GNAI3: variants seen among roughly 807,000 people sequenced by gnomAD.
GNAI3 encodes G protein subunit alpha i3.
Under a neutral mutation model 41.8 loss-of-function variants are expected in GNAI3, and 12 were observed. The ratio of observed to expected loss-of-function variants is 0.29; its 90% CI spans 0.18 to 0.47. The LOEUF is 0.47. GNAI3 is among the 20% of genes least tolerant of loss of function. The pLI, the probability that GNAI3 is intolerant of heterozygous loss-of-function variation, is 1.00. For synonymous variants in GNAI3, 132 were observed against 146.5 expected, an observed-to-expected ratio of 0.90 and a Z score of 0.71; for missense variants, 360 against 429.6, an observed-to-expected ratio of 0.84 and a Z score of 1.43.
In GNAI3 at chr1:109,598,831, G is replaced by T; in HGVS notation, c.*6509G>T. The T allele has an allele frequency of 1.9e-6, 1 of 524,728 alleles. No individual in the cohort carries two copies. The highest frequency in any genetic ancestry group is 1.4e-5 in the South Asian group (1 of 71,260). The allele number at this position is 524,728 out of a possible 1,614,324, so 32.5% of individuals were successfully genotyped here. A position where few individuals can be genotyped will look rare whatever the true frequency, so the allele number is the denominator to read the frequency against. ...CTTTTACCTAGCAGGACCACCAGAG[G>T]CTCTGTCACACTTGCAGTCCCTGGC... On this transcript the variant is annotated 3_prime_UTR_variant, in exon 9 of 9. Coordinates refer to ENST00000369851, the MANE Select transcript of GNAI3 (RefSeq NM_006496.4).
intron 4 of GNAI3, among the ~76,000 whole-genome samples, chr1:109,580,523 A>G (rs1489805798): frequency 6.6e-6 from 1 of 152,222 alleles, no homozygotes; most frequent in Non-Finnish European, 1.5e-5. Flanking sequence ...TGAAAAATGC[A>G]TCATTAGGTG....
chr1:109,558,338 G>A lies in GNAI3; in HGVS notation c.118+9500G>A, dbSNP rs529478006. ...CTTGGGAGGCTGAGGCATGAGAATC[G>A]CTTGAACCTGGGAGGCGGACGTTGC... On this transcript the variant is annotated intron_variant, in intron 1 of 8. Coordinates refer to ENST00000369851, the MANE Select transcript of GNAI3 (RefSeq NM_006496.4). 4.0e-4 allele frequency among the ~76,000 whole-genome samples: 61 copies of A among 152,128 alleles called. No homozygotes were observed. The South Asian group carries it at 0.012, about 30-fold the overall frequency.
At chr1:109,581,135 A>G (rs1037794055) in intron 4 of GNAI3, among the ~76,000 whole-genome samples, 1 of 152,212 alleles carries the variant, frequency 6.6e-6, no homozygotes, top group African/African-American at 2.4e-5. Context: ...TAGATCATTA[A>G]TGATTCACTT....
At chr1:109,586,129 TA>T in intron 5 of GNAI3, 86 bp from the exon 6 acceptor site, 1 of 1,098,072 alleles carries the variant, frequency 9.1e-7, no homozygotes, top group Non-Finnish European at 1.3e-6. Context: ...TTTGAATATG[TA>T]ATAGTGGGAA....
At chr1:109,563,518 A>G (rs1001905790) in intron 1 of GNAI3, among the ~76,000 whole-genome samples, 1 of 152,180 alleles carries the variant, frequency 6.6e-6, no homozygotes, top group Non-Finnish European at 1.5e-5. Context: ...TTTAAATGAT[A>G]ACATTTTGAG....
intron 1 of GNAI3, among the ~76,000 whole-genome samples, chr1:109,555,530 G>A (rs1490740812): frequency 6.6e-6 from 1 of 152,008 alleles, no homozygotes; most frequent in Admixed American, 6.6e-5. Context: ...CCCTTTTCAG[G>A]AATTAAAATA....
rs879858902 is a variant in GNAI3 at position 109,598,523 on chromosome 1, GA to G, written c.*6212del. On this transcript the variant is annotated 3_prime_UTR_variant, in exon 9 of 9. Coordinates refer to ENST00000369851, the MANE Select transcript of GNAI3 (RefSeq NM_006496.4). ...ATGATACTCAGGATTATACTGCACAGAAAAAAAAAAATCCTAAGGCAGCACC... is the reference window on the plus strand; with the variant it reads ...ATGATACTCAGGATTATACTGCACAGAAAAAAAAAATCCTAAGGCAGCACC... 0.014 allele frequency: 2,283 copies of G among 166,778 alleles called. 3 individuals are homozygous for G. Among genetic ancestry groups the G allele is most frequent in the South Asian group, 0.037 (285 of 7,802 alleles). 10.3% of individuals were successfully genotyped at this position (166,778 alleles called of 1,614,324 possible). A position where few individuals can be genotyped will look rare whatever the true frequency, so the allele number is the denominator to read the frequency against.
At chr1:109,552,711 G>A (rs928807912) in intron 1 of GNAI3, among the ~76,000 whole-genome samples, 3 of 151,268 alleles carry the variant, frequency 2.0e-5, no homozygotes, top group African/African-American at 4.9e-5. Flanking sequence ...TTGTGTGTGC[G>A]GGTTTTGTTT....
intron 1 of GNAI3, among the ~76,000 whole-genome samples, chr1:109,558,408 G>A (rs1648214198): frequency 6.6e-6 from 1 of 152,148 alleles, no homozygotes; most frequent in Non-Finnish European, 1.5e-5. Flanking sequence ...GGGCGACAGA[G>A]TGAGACTCTG....
intron 7 of GNAI3, among the ~76,000 whole-genome samples, chr1:109,591,256 TAAAAC>T (rs1317413055): frequency 6.6e-6 from 1 of 152,212 alleles, no homozygotes; most frequent in Non-Finnish European, 1.5e-5. Flanking sequence ...TAAACCTCTT[TAAAAC>T]TGTGGAATGA....
chr1:109,555,763 T>A (rs772886066), intron 1 of GNAI3, among the ~76,000 whole-genome samples: 5 of 152,206 alleles, frequency 3.3e-5, no homozygotes, highest in Non-Finnish European at 7.3e-5. Context: ...AGTCTAGAGA[T>A]CTTTTAGAGA....
At chr1:109,580,331 G>C (rs1286275219) in intron 4 of GNAI3, among the ~76,000 whole-genome samples, 1 of 152,064 alleles carries the variant, frequency 6.6e-6, no homozygotes, top group African/African-American at 2.4e-5. Flanking sequence ...ACTTTTGCGG[G>C]GCCTGGTGAG....
rs1319561441 is a variant in GNAI3, at chr1:109,590,490, G to C, written c.875-1553G>C. 2.0e-5 allele frequency among the ~76,000 whole-genome samples: 3 copies of C among 151,890 alleles called. No individual in the cohort carries two copies. The South Asian group carries it at 6.2e-4, about 32-fold the overall frequency. ...CTGCCTCCTTTAATTTACAGAGGTT[G>C]TTTTCCAGATTTTAAGAACCTGCTT... On this transcript the variant is annotated intron_variant, in intron 7 of 8. Transcript: ENST00000369851.
rs964481264 is a variant in GNAI3 at position 109,596,435 on chromosome 1, C to G, written c.*4113C>G. ...GTGGCACGATCTCTGCTCACTGCAA[C>G]CTTTGCCTCTTAGGTTCAAGCGATT... is the stretch of plus-strand genomic sequence containing the variant. On this transcript the variant is annotated 3_prime_UTR_variant, in exon 9 of 9. Coordinates refer to ENST00000369851, the MANE Select transcript of GNAI3 (RefSeq NM_006496.4). The G allele has an allele frequency of 1.3e-5, 2 of 152,418 alleles. No individual in the cohort carries two copies. The highest frequency in any genetic ancestry group is 4.8e-5 in the African/African-American group (2 of 41,564). The allele number at this position is 152,418 out of a possible 1,614,324, so 9.4% of individuals were successfully genotyped here.
Position 109,594,070 on chromosome 1 carries a change from A to G in GNAI3, c.*1748A>G, listed in dbSNP as rs1294461689. On this transcript the variant is annotated 3_prime_UTR_variant, in exon 9 of 9. Coordinates refer to ENST00000369851, the MANE Select transcript of GNAI3 (RefSeq NM_006496.4). The stretch of plus-strand genomic sequence containing the variant: ...GAAAATCATAGCTTACAGATGGTAT[A>G]ACTGTATTATATAATGGAATTTTCT... 1 of 152,640 alleles carries G rather than the reference A, an allele frequency of 6.6e-6. No homozygotes were observed. The highest frequency in any genetic ancestry group is 6.5e-5 in the Admixed American group (1 of 15,284). The allele number at this position is 152,640 out of a possible 1,614,324, so 9.5% of individuals were successfully genotyped here. A position where few individuals can be genotyped will look rare whatever the true frequency, so the allele number is the denominator to read the frequency against.
chr1:109,559,422 AT>A (rs1414333437), intron 1 of GNAI3, among the ~76,000 whole-genome samples: 1 of 152,110 alleles, frequency 6.6e-6, no homozygotes, highest in African/African-American at 2.4e-5. Flanking sequence ...ACTGAGCTTC[AT>A]TTTCCTTTCT....
At chr1:109,552,986 T>A (rs1648030369) in intron 1 of GNAI3, among the ~76,000 whole-genome samples, 1 of 152,216 alleles carries the variant, frequency 6.6e-6, no homozygotes, top group Non-Finnish European at 1.5e-5. Context: ...GCAGAGATGA[T>A]GTTTCATAAT....
At chr1:109,592,008 C>G (rs775262864) in intron 7 of GNAI3, 35 bp from the exon 8 acceptor site, 1 of 1,446,026 alleles carries the variant, frequency 6.9e-7, no homozygotes, top group African/African-American at 1.4e-5. Context: ...GCAGCTGTTA[C>G]AATTTGAACT....
chr1:109,587,358 A>C (rs1649054911), intron 7 of GNAI3, among the ~76,000 whole-genome samples: 1 of 152,216 alleles, frequency 6.6e-6, no homozygotes, highest in African/African-American at 2.4e-5. Context: ...AGACATAAAT[A>C]ATTTTATTAT....
Sources: allele counts gnomAD v4.1 joint callset (sites outside exome capture counted in the v4.1 genomes callset), GRCh38; gene constraint gnomAD v4.1.1; transcripts MANE v1.5; gene names NCBI Gene and HGNC (gene_info 2026-07-23, HGNC 2026-07-21).